The following SIN3A variants were observed in gnomAD, a reference collection of about 807,000 sequenced individuals.
SIN3A encodes paired amphipathic helix protein Sin3a.
In SIN3A, 14 loss-of-function variants were observed where a neutral mutation model predicts 146.1. The observed-to-expected ratio is 0.10, with a 90% confidence interval of 0.06 to 0.15. The LOEUF is 0.15. Ranked by LOEUF, SIN3A falls within the 10% of genes least tolerant of loss-of-function variation. SIN3A has a pLI of 1.00. For synonymous variants in SIN3A, 572 were observed against 572.0 expected (o/e 1.00, Z 0.00); for missense variants, 1,028 against 1,576.0 (o/e 0.65, Z 5.89).
intron 15 of SIN3A, among the ~76,000 whole-genome samples, chr15:75,390,650 C>T (rs572929664): frequency 6.6e-6 from 1 of 152,312 alleles, no homozygotes; most frequent in East Asian, 1.9e-4. Flanking sequence ...GGTTATGTTT[C>T]GTTTCTTGAA....
Position 75,422,682 on chromosome 15 carries a change from G to A in SIN3A, c.331C>T (p.Pro111Ser). ...TGAAATTGCTGCTGTCCCTGCACTG[G>A]TGCAACTGGTGGGGCTGGATGAGCA... ...SHAHPAPPVA[P>S]VQGQQQFQRL... The change falls in exon 3 of 21, where the codon CCA (proline) becomes TCA (serine). Residue 111 changes from proline (P) to serine (S), a missense_variant. Physicochemically the swap from Pro to Ser is moderately conservative, Grantham distance 74. Transcript: ENST00000394947. The A allele has an allele frequency of 1.9e-6, 3 of 1,614,180 alleles. No individual in the cohort carries two copies. Among genetic ancestry groups the A allele is most frequent in the Non-Finnish European group, 2.5e-6 (3 of 1,180,044 alleles).
chr15:75,389,813 C>G lies in SIN3A; in HGVS notation c.2860G>C (p.Asp954His). 6.2e-7 allele frequency: 1 copy of G among 1,614,016 alleles called. No individual in the cohort carries two copies. The highest frequency in any genetic ancestry group is 8.5e-7 in the Non-Finnish European group (1 of 1,179,912). ...QLRLKEPMDVDVEDYYPAFLD... is the reference protein window; with the variant it reads ...QLRLKEPMDVHVEDYYPAFLD... ...AAAGCTGGGTAATAATCTTCTACAT[C>G]AACATCCACTGTGGGAGAGATGGGA... is the stretch of plus-strand genomic sequence containing the variant. The change falls in exon 16 of 21, where the codon GAT becomes CAT. Residue 954 changes from aspartate to histidine, a missense_variant. Coordinates refer to ENST00000394947, the MANE Select transcript of SIN3A (RefSeq NM_001145358.2).
chr15:75,384,156 G>C lies in SIN3A; in HGVS notation c.3195+108C>G, dbSNP rs149516564. On this transcript the variant is annotated intron_variant, in intron 17 of 20. Transcript: ENST00000394947. ...TCTGGTGAACTCATTAAAAGGTCCA[G>C]GAGTAGAATCACAGGTCAAAGTACC... The C allele has an allele frequency of 2.3e-3, 1,829 of 804,342 alleles. 24 individuals carry two copies. Among genetic ancestry groups the C allele is most frequent in the East Asian group, 2.8e-3 (105 of 37,746 alleles). The allele number at this position is 804,342 out of a possible 1,614,324, so 49.8% of individuals were successfully genotyped here.
At chr15:75,380,415 G>A (rs183322211) in intron 19 of SIN3A, among the ~76,000 whole-genome samples, 17 of 152,276 alleles carry the variant, frequency 1.1e-4, no homozygotes, top group Admixed American at 6.5e-4. Context: ...GGAGGTTATT[G>A]TTGATTCTCT....
At chr15:75,427,134 A>G (rs2073938368) in intron 2 of SIN3A, among the ~76,000 whole-genome samples, 1 of 151,956 alleles carries the variant, frequency 6.6e-6, no homozygotes, top group Admixed American at 6.6e-5. Flanking sequence ...GCACTTTGGG[A>G]GGTCAAGGCA....
chr15:75,444,530 G>T (rs2074270805), intron 1 of SIN3A, among the ~76,000 whole-genome samples: 1 of 151,982 alleles, frequency 6.6e-6, no homozygotes, highest in African/African-American at 2.4e-5. Context: ...ATCTTTACAA[G>T]TAGTTAGTAC....
At chr15:75,449,438 T>G (rs1347980527) in intron 1 of SIN3A, among the ~76,000 whole-genome samples, 1 of 152,198 alleles carries the variant, frequency 6.6e-6, no homozygotes, top group African/African-American at 2.4e-5. Flanking sequence ...ATTTTTCTCA[T>G]GAAAAATGTG....
chr15:75,379,651 C>T (rs2072928388), intron 19 of SIN3A, among the ~76,000 whole-genome samples: 1 of 152,196 alleles, frequency 6.6e-6, no homozygotes, highest in Non-Finnish European at 1.5e-5. Flanking sequence ...TATCTCTTTT[C>T]CCATGTTCTC....
chr15:75,433,583 G>A (rs1255906577), intron 1 of SIN3A, among the ~76,000 whole-genome samples: 1 of 152,018 alleles, frequency 6.6e-6, no homozygotes, highest in Non-Finnish European at 1.5e-5. Context: ...GGCCGGGCGT[G>A]GTGGCTCACG....
At chr15:75,414,429 T>C in intron 3 of SIN3A, 118 bp from the exon 4 acceptor site, 1 of 416,688 alleles carries the variant, frequency 2.4e-6, no homozygotes, top group Non-Finnish European at 4.2e-6. Context: ...GAAGTAAAAA[T>C]ATATTAAATA....
At chr15:75,440,237 G>GTTT (rs556673520) in intron 1 of SIN3A, among the ~76,000 whole-genome samples, 1 of 144,076 alleles carries the variant, frequency 6.9e-6, no homozygotes, top group Non-Finnish European at 1.5e-5. Flanking sequence ...TAGCAAATTT[G>GTTT]TTTTTTTTTT....
At chr15:75,374,231 C>T (rs187937483) in intron 20 of SIN3A, among the ~76,000 whole-genome samples, 3 of 152,194 alleles carry the variant, frequency 2.0e-5, no homozygotes, top group African/African-American at 7.2e-5. Flanking sequence ...CGTGGTGGCT[C>T]ACGCCTGTAA....
intron 2 of SIN3A, among the ~76,000 whole-genome samples, chr15:75,426,183 A>C (rs935520587): frequency 2.0e-5 from 3 of 152,230 alleles, no homozygotes; most frequent in African/African-American, 7.2e-5. Context: ...TAATGAAAGT[A>C]ATCACCCAAG....
chr15:75,452,813 A>G (rs1269991510), upstream of SIN3A, among the ~76,000 whole-genome samples: 4 of 152,250 alleles, frequency 2.6e-5, no homozygotes, highest in Non-Finnish European at 5.9e-5. Context: ...CATTGGGGAC[A>G]TGCCACACTC....
intron 3 of SIN3A, among the ~76,000 whole-genome samples, chr15:75,418,609 C>T (rs1390848684): frequency 2.0e-5 from 3 of 152,166 alleles, no homozygotes; most frequent in African/African-American, 7.2e-5. Flanking sequence ...CGTGAGCCAC[C>T]GCACCCGGCC....
chr15:75,417,378 CTTTTT>C (rs34223540), intron 3 of SIN3A, among the ~76,000 whole-genome samples: 2 of 140,880 alleles, frequency 1.4e-5, no homozygotes, highest in Admixed American at 1.4e-4. Context: ...CAGTCTTTTT[CTTTTT>C]TTTTTTTTTG....
intron 18 of SIN3A, among the ~76,000 whole-genome samples, chr15:75,381,293 C>A (rs1313647322): frequency 1.3e-5 from 2 of 152,042 alleles, no homozygotes; most frequent in African/African-American, 2.4e-5. Flanking sequence ...AAACATGACA[C>A]AAAGAATCAA....
Position 75,401,036 on chromosome 15 carries a change from G to C in SIN3A, c.1527-96C>G, listed in dbSNP as rs2073402309. 3.7e-6 allele frequency: 3 copies of C among 806,306 alleles called. No homozygotes were observed. In the South Asian group the frequency reaches 4.8e-5, roughly 13 times the overall value. 49.9% of individuals were successfully genotyped at this position (806,306 alleles called of 1,614,324 possible). A position where few individuals can be genotyped will look rare whatever the true frequency, so the allele number is the denominator to read the frequency against. On this transcript the variant is annotated intron_variant, in intron 10 of 20. Transcript: ENST00000394947. ...CCATCTGGTTTTGGATCAGAAATCT[G>C]CTACCAGGGATGAATTATTTCCTGC...
At chr15:75,378,164 T>C (rs1239603962) in intron 19 of SIN3A, among the ~76,000 whole-genome samples, 2 of 152,248 alleles carry the variant, frequency 1.3e-5, no homozygotes, top group Admixed American at 6.5e-5. Flanking sequence ...TACAAAATCA[T>C]AGAGGAAAAA....
Sources: allele counts gnomAD v4.1 joint callset (sites outside exome capture counted in the v4.1 genomes callset), GRCh38; gene constraint gnomAD v4.1.1; transcripts MANE v1.5; gene names NCBI Gene and HGNC (gene_info 2026-07-23, HGNC 2026-07-21).